The following SDCCAG8 variants were observed in gnomAD, a reference collection of about 807,000 sequenced individuals.
SDCCAG8 encodes serologically defined colon cancer antigen 8.
In SDCCAG8, 74 loss-of-function variants were observed where a neutral mutation model predicts 101.8. The observed-to-expected ratio is 0.73, with a 90% confidence interval of 0.60 to 0.88. The LOEUF (loss-of-function observed/expected upper bound fraction) is 0.88. Ranked by LOEUF, SDCCAG8 falls within the 40% of genes least tolerant of loss-of-function variation. The pLI is 0.00. For missense variants in SDCCAG8, 787 were observed against 822.6 expected, an observed-to-expected ratio of 0.96 and a Z score of 0.53; for synonymous variants, 281 against 292.9, an observed-to-expected ratio of 0.96 and a Z score of 0.41.
intron 5 of SDCCAG8, among the ~76,000 whole-genome samples, chr1:243,287,358 G>GA (rs1164858870): frequency 1.3e-4 from 19 of 151,482 alleles, no homozygotes; most frequent in Admixed American, 1.3e-3. Context: ...CAGCTGTTAA[G>GA]AAAACATGAA....
chr1:243,302,737 C>A (rs1573107374), intron 6 of SDCCAG8, among the ~76,000 whole-genome samples: 1 of 152,182 alleles, frequency 6.6e-6, no homozygotes, highest in Non-Finnish European at 1.5e-5. Flanking sequence ...TCCTTGCCTG[C>A]AAACACAATG....
rs80156202 is a variant in SDCCAG8, at chr1:243,354,151, A to C, written c.1473+9820A>C. Among the ~76,000 whole-genome samples, 98 of 152,304 alleles carry C rather than the reference A, an allele frequency of 6.4e-4. No homozygotes were observed. In the East Asian group the frequency reaches 0.013, roughly 20 times the overall value. On this transcript the variant is annotated intron_variant, in intron 12 of 17. Transcript: ENST00000366541. ...AGAGCCTCAGTTTATTTCCCAGTGA[A>C]GTGAGAAGCTTGGACAAGTGGTAGC...
At chr1:243,266,521 C>T (rs79916549) in intron 1 of SDCCAG8, among the ~76,000 whole-genome samples, 1 of 151,748 alleles carries the variant, frequency 6.6e-6, no homozygotes, top group Admixed American at 6.6e-5. Context: ...GGTTTTGTCA[C>T]GTTGTTCAGG....
At chr1:243,473,525 G>A (rs1321694271) in intron 16 of SDCCAG8, among the ~76,000 whole-genome samples, 1 of 152,158 alleles carries the variant, frequency 6.6e-6, no homozygotes, top group Non-Finnish European at 1.5e-5. Context: ...GTTCATGCTG[G>A]GAAGTTTCTT....
chr1:243,430,623 A>T (rs538520977), intron 16 of SDCCAG8, among the ~76,000 whole-genome samples: 39 of 151,728 alleles, frequency 2.6e-4, no homozygotes, highest in Middle Eastern at 3.4e-3. Flanking sequence ...TATTTTTAGT[A>T]GAGACGGGGT....
At chr1:243,409,772 C>A (rs530983724) in intron 13 of SDCCAG8, among the ~76,000 whole-genome samples, 4 of 152,180 alleles carry the variant, frequency 2.6e-5, no homozygotes, top group Admixed American at 2.6e-4. Flanking sequence ...TCCATGACTC[C>A]ATGCTGATAT....
At chr1:243,304,092 A>T (rs914617732) in intron 6 of SDCCAG8, among the ~76,000 whole-genome samples, 3 of 152,046 alleles carry the variant, frequency 2.0e-5, no homozygotes, top group African/African-American at 7.2e-5. Flanking sequence ...AAAGTTATAC[A>T]TGGATTTCCA....
chr1:243,495,940 G>C (rs190091296), intron 17 of SDCCAG8, among the ~76,000 whole-genome samples: 7 of 152,248 alleles, frequency 4.6e-5, no homozygotes, highest in African/African-American at 1.2e-4. Context: ...GCCTGGATTC[G>C]AATCTCAGCT....
chr1:243,294,506 C>CGAGAGAGCGAGAGAGAGA (rs2070635802), intron 6 of SDCCAG8, among the ~76,000 whole-genome samples: 2 of 105,884 alleles, frequency 1.9e-5, no homozygotes, highest in Non-Finnish European at 3.8e-5. Flanking sequence ...AGAGAAAGAG[C>CGAGAGAGCGAGAGAGAGA]GAGAGAGAGA....
chr1:243,314,048 A>G (rs2073014910), intron 8 of SDCCAG8, among the ~76,000 whole-genome samples: 1 of 152,188 alleles, frequency 6.6e-6, no homozygotes, highest in East Asian at 1.9e-4. Context: ...GCTTGCTGCT[A>G]TTTGTTATGT....
At chr1:243,263,433 C>T (rs1371574103) in intron 1 of SDCCAG8, among the ~76,000 whole-genome samples, 1 of 152,184 alleles carries the variant, frequency 6.6e-6, no homozygotes, top group African/African-American at 2.4e-5. Flanking sequence ...TCCTACTTTA[C>T]AGTAATTACA....
At chr1:243,340,728 C>T (rs1177458837) in intron 10 of SDCCAG8, among the ~76,000 whole-genome samples, 1 of 152,190 alleles carries the variant, frequency 6.6e-6, no homozygotes, top group Non-Finnish European at 1.5e-5. Context: ...TTATGGCACT[C>T]TGTTTCATAA....
intron 10 of SDCCAG8, among the ~76,000 whole-genome samples, chr1:243,337,502 G>A (rs2075091649): frequency 6.6e-6 from 1 of 152,184 alleles, no homozygotes; most frequent in Non-Finnish European, 1.5e-5. Flanking sequence ...CTCTCACCAG[G>A]AAATGGCAGA....
intron 16 of SDCCAG8, among the ~76,000 whole-genome samples, chr1:243,476,778 T>C (rs1313757748): frequency 6.6e-6 from 1 of 152,162 alleles, no homozygotes; most frequent in Non-Finnish European, 1.5e-5. Flanking sequence ...GTATGAAGGA[T>C]CTTTTCTGGA....
Position 243,269,302 on chromosome 1 carries a change from AT to A in SDCCAG8, c.68-784del, listed in dbSNP as rs35934186. On this transcript the variant is annotated intron_variant, in intron 1 of 17. Coordinates refer to ENST00000366541, the MANE Select transcript of SDCCAG8 (RefSeq NM_006642.5). ...AATGAGGCTGGGTTCCTTGGAGGCT[AT>A]TTTTTTTTTTTTTTTTTTCTGAAAC... 3.3e-3 allele frequency: 402 copies of A among 120,538 alleles called. 2 individuals carry two copies. The highest frequency in any genetic ancestry group is 9.4e-3 in the African/African-American group (299 of 31,704). The allele number at this position is 120,538 out of a possible 1,614,324, so 7.5% of individuals were successfully genotyped here. A position where few individuals can be genotyped will look rare whatever the true frequency, so the allele number is the denominator to read the frequency against.
intron 13 of SDCCAG8, among the ~76,000 whole-genome samples, chr1:243,413,775 T>C (rs2080361673): frequency 6.6e-6 from 1 of 152,202 alleles, no homozygotes; most frequent in Admixed American, 6.5e-5. Flanking sequence ...GGGGTCTGAC[T>C]TGGGGATGGT....
chr1:243,378,945 G>C, intron 13 of SDCCAG8, 82 bp downstream of exon 13: 1 of 1,559,360 alleles, frequency 6.4e-7, no homozygotes, highest in South Asian at 1.1e-5. Context: ...AGTTGTTAGA[G>C]TTAGTCTTAG....
intron 6 of SDCCAG8, among the ~76,000 whole-genome samples, chr1:243,301,823 T>C (rs1036925305): frequency 1.3e-5 from 2 of 151,986 alleles, no homozygotes; most frequent in Non-Finnish European, 2.9e-5. Context: ...AAGCTGGAGA[T>C]TTTAATGCCA....
At chr1:243,274,468 TA>T in intron 3 of SDCCAG8, 74 bp from the exon 4 acceptor site, 1 of 856,808 alleles carries the variant, frequency 1.2e-6, no homozygotes, top group Non-Finnish European at 1.9e-6. Context: ...GATTCTTTGC[TA>T]AATCCAAACA....
Sources: gnomAD v4.1 joint callset for allele counts (sites outside exome capture counted in the v4.1 genomes callset) on GRCh38, gnomAD v4.1.1 for gene constraint, MANE v1.5 for transcripts, NCBI Gene and HGNC (gene_info 2026-07-23, HGNC 2026-07-21) for gene names.